Variants in KCNK10 observed in about 807,000 individuals in gnomAD.
KCNK10 encodes the protein potassium two pore domain channel subfamily K member 10.
In KCNK10, 25 loss-of-function variants were observed where a neutral mutation model predicts 47.7. That is an observed-to-expected ratio of 0.52 (90% CI 0.38 to 0.73). The LOEUF (loss-of-function observed/expected upper bound fraction) is 0.73. Ranked by LOEUF, KCNK10 falls within the 30% of genes least tolerant of loss-of-function variation. The probability of loss-of-function intolerance (pLI) is 0.00; values close to 1 mark genes in which losing one functional copy is unlikely to be tolerated. For missense variants in KCNK10, 563 were observed against 714.5 expected (o/e 0.79, Z 2.42); for synonymous variants, 303 against 285.6 (o/e 1.06, Z -0.61).
At chr14:88,284,084 T>TA (rs905147262) in intron 1 of KCNK10, among the ~76,000 whole-genome samples, 17 of 152,058 alleles carry the variant, frequency 1.1e-4, no homozygotes, top group African/African-American at 4.1e-4. Flanking sequence ...GACTTTGGAG[T>TA]AAGGGCCTAG....
At chr14:88,242,307 G>C (rs1015302715) in intron 2 of KCNK10, among the ~76,000 whole-genome samples, 1 of 152,158 alleles carries the variant, frequency 6.6e-6, no homozygotes, top group Non-Finnish European at 1.5e-5. Context: ...TTTCCATAAA[G>C]GGTCAGATAG....
intron 4 of KCNK10, among the ~76,000 whole-genome samples, chr14:88,195,318 C>T (rs931309188): frequency 6.6e-6 from 1 of 152,174 alleles, no homozygotes; most frequent in Non-Finnish European, 1.5e-5. Flanking sequence ...ATAAGAAATC[C>T]CACCTCATCG....
chr14:88,255,330 T>C (rs1886921053), intron 2 of KCNK10, among the ~76,000 whole-genome samples: 1 of 152,032 alleles, frequency 6.6e-6, no homozygotes, highest in South Asian at 2.1e-4. Context: ...ACTTATTGGC[T>C]GTCTGGACTT....
At chr14:88,291,705 C>T (rs993547263) in intron 1 of KCNK10, among the ~76,000 whole-genome samples, 1 of 152,152 alleles carries the variant, frequency 6.6e-6, no homozygotes, top group Non-Finnish European at 1.5e-5. Context: ...GTGAATGATG[C>T]CCTCTGGAGG....
chr14:88,310,258 C>CAT lies in KCNK10; in HGVS notation c.52+12487_52+12488dup, dbSNP rs1341544266. 2.1e-3 allele frequency among the ~76,000 whole-genome samples: 67 copies of CAT among 31,982 alleles called. 5 individuals are homozygous for CAT. Among genetic ancestry groups the CAT allele is most frequent in the African/African-American group, 0.012 (66 of 5,364 alleles). 21.0% of individuals were successfully genotyped at this position (31,982 alleles called of 152,430 possible). On this transcript the variant is annotated intron_variant, in intron 1 of 6. Transcript: ENST00000319231. ...TACCATATAAATGATATGCATTTAT[C>CAT]ATGGTATATCATAATTACTTGATGA...
intron 1 of KCNK10, among the ~76,000 whole-genome samples, chr14:88,269,030 C>T (rs191539716): frequency 4.6e-5 from 7 of 152,174 alleles, no homozygotes; most frequent in South Asian, 2.1e-4. Flanking sequence ...CCCAGCTACT[C>T]GGGAGGCTGA....
At chr14:88,270,627 G>T in intron 1 of KCNK10, 1 of 761,180 alleles carries the variant, frequency 1.3e-6, no homozygotes, top group Admixed American at 1.7e-5. Flanking sequence ...GGAGCCATGA[G>T]AAGAGGAAAA....
At chr14:88,226,561 T>C (rs1885993347) in intron 4 of KCNK10, among the ~76,000 whole-genome samples, 1 of 152,070 alleles carries the variant, frequency 6.6e-6, no homozygotes, top group Non-Finnish European at 1.5e-5. Flanking sequence ...CAGCGGTGAG[T>C]AAGAGGGCAG....
intron 2 of KCNK10, among the ~76,000 whole-genome samples, chr14:88,257,908 G>C (rs549898711): frequency 2.0e-5 from 3 of 152,182 alleles, no homozygotes; most frequent in Admixed American, 2.0e-4. Context: ...TTGTGGGAGG[G>C]GGGGTCTATG....
At chr14:88,223,660 C>A (rs1885892090) in intron 4 of KCNK10, among the ~76,000 whole-genome samples, 1 of 152,124 alleles carries the variant, frequency 6.6e-6, no homozygotes, top group Non-Finnish European at 1.5e-5. Context: ...CTAAAAGGTG[C>A]CTTAAGTAAA....
chr14:88,200,496 G>A (rs1885068837), intron 4 of KCNK10, among the ~76,000 whole-genome samples: 1 of 152,110 alleles, frequency 6.6e-6, no homozygotes, highest in Non-Finnish European at 1.5e-5. Flanking sequence ...TGGAGAGAAG[G>A]GAGAAAGGGA....
At chr14:88,258,988 T>C (rs1439969236) in intron 2 of KCNK10, among the ~76,000 whole-genome samples, 1 of 152,210 alleles carries the variant, frequency 6.6e-6, no homozygotes, top group East Asian at 1.9e-4. Flanking sequence ...AGAGACATGA[T>C]GAAATAAATA....
chr14:88,195,779 G>A lies in KCNK10; in HGVS notation c.682-3369C>T, dbSNP rs372199216. Among the ~76,000 whole-genome samples the A allele has an allele frequency of 8.7e-4, 132 of 152,226 alleles. 1 individual carries two copies. Among genetic ancestry groups the A allele is most frequent in the Middle Eastern group, 3.4e-3 (1 of 294 alleles). The stretch of plus-strand genomic sequence containing the variant: ...GAAACTGCCAAGAATTGCAGATAAC[G>A]TTTGCGATGTCAGGAACCAGCTGCA... On this transcript the variant is annotated intron_variant, in intron 4 of 6. Transcript: ENST00000319231.
In KCNK10 at chr14:88,262,994, C is replaced by T. The variant is rs573789905; in HGVS notation, c.402+208G>A. On this transcript the variant is annotated intron_variant, in intron 2 of 6. Coordinates refer to ENST00000319231, the MANE Select transcript of KCNK10 (RefSeq NM_138317.3). The stretch of plus-strand genomic sequence containing the variant: ...CTGACCACTCATCCAAAACCAGATG[C>T]AGAACATGGACCCTCCTTCCCCCAC... Among the ~76,000 whole-genome samples the T allele has an allele frequency of 7.2e-5, 11 of 152,220 alleles. No homozygotes were observed. In the Middle Eastern group the frequency reaches 0.01, roughly 141 times the overall value.
intron 1 of KCNK10, among the ~76,000 whole-genome samples, chr14:88,282,467 C>T (rs1887670805): frequency 6.6e-6 from 1 of 152,206 alleles, no homozygotes. Context: ...CAATATTTGG[C>T]ATTCAGGACT....
At chr14:88,324,629 C>T (rs1243762001), upstream of KCNK10, among the ~76,000 whole-genome samples, 1 of 152,130 alleles carries the variant, frequency 6.6e-6, no homozygotes, top group Non-Finnish European at 1.5e-5. Context: ...TATCTAGTGC[C>T]ATAAGGTCCT....
At chr14:88,190,484 CT>C (rs1396593245) in intron 5 of KCNK10, among the ~76,000 whole-genome samples, 1 of 152,154 alleles carries the variant, frequency 6.6e-6, no homozygotes, top group East Asian at 1.9e-4. Flanking sequence ...TTCTCAGTTT[CT>C]CTGTACAGTC....
chr14:88,310,327 G>A lies in KCNK10; in HGVS notation c.52+12420C>T, dbSNP rs138005357. 3.1e-3 allele frequency among the ~76,000 whole-genome samples: 474 copies of A among 151,004 alleles called. 1 individual carries two copies. Among genetic ancestry groups the A allele is most frequent in the African/African-American group, 0.011 (445 of 41,134 alleles). ...TAGGCTGTGACTTCTCTGGGTACAC[G>A]CCTCAGGTCTTTTTCATCTTTCTGT... is the stretch of plus-strand genomic sequence containing the variant. On this transcript the variant is annotated intron_variant, in intron 1 of 6. Transcript: ENST00000319231.
Position 88,227,425 on chromosome 14 carries a change from G to C in KCNK10, c.631C>G (p.Leu211Val). The change falls in exon 4 of 7, where the codon CTT becomes GTT. Residue 211 changes from leucine (L) to valine (V), a missense_variant. Leu to Val is a conservative substitution (Grantham distance 32). Transcript: ENST00000319231. ...GFLLAGIGDQ[L>V]GTIFGKSIAR... The stretch of plus-strand genomic sequence containing the variant: ...ATGCTTTTCCCAAAGATGGTTCCAA[G>C]TTGGTCTCCAATTCCAGCCAATAAG... 6.2e-7 allele frequency: 1 copy of C among 1,613,718 alleles called. No individual in the cohort carries two copies.
Sources: gnomAD v4.1 joint callset for allele counts (sites outside exome capture counted in the v4.1 genomes callset) on GRCh38, gnomAD v4.1.1 for gene constraint, MANE v1.5 for transcripts, NCBI Gene and HGNC (gene_info 2026-07-23, HGNC 2026-07-21) for gene names.